KCNQ5: variants seen among roughly 807,000 people sequenced by gnomAD.
KCNQ5 encodes the protein potassium voltage-gated channel subfamily KQT member 5.
KCNQ5 carries 30 observed loss-of-function variants against 98.2 expected under a neutral mutation model. That is an observed-to-expected ratio of 0.31 (90% CI 0.23 to 0.41). The LOEUF (loss-of-function observed/expected upper bound fraction) is 0.41. Among genes scored for constraint, KCNQ5 ranks in the 10% least tolerant of loss-of-function variants. The probability of loss-of-function intolerance (pLI) is 1.00; values close to 1 mark genes in which losing one functional copy is unlikely to be tolerated. For synonymous variants in KCNQ5, 458 were observed against 449.4 expected, an observed-to-expected ratio of 1.02 and a Z score of -0.24; for missense variants, 835 against 1,182.5, an observed-to-expected ratio of 0.71 and a Z score of 4.31.
chr6:73,172,977 T>C (rs555732434), intron 11 of KCNQ5, among the ~76,000 whole-genome samples: 10 of 152,354 alleles, frequency 6.6e-5, no homozygotes, highest in African/African-American at 2.4e-4. Flanking sequence ...TTTAAACATC[T>C]GCCATTTTCT....
At chr6:73,064,223 G>C (rs1056161262) in intron 3 of KCNQ5, among the ~76,000 whole-genome samples, 1 of 152,102 alleles carries the variant, frequency 6.6e-6, no homozygotes, top group Non-Finnish European at 1.5e-5. Context: ...CTGAAAATAA[G>C]TATCAAGTTT....
At chr6:72,829,612 T>G (rs1776146619) in intron 1 of KCNQ5, among the ~76,000 whole-genome samples, 1 of 152,220 alleles carries the variant, frequency 6.6e-6, no homozygotes, top group African/African-American at 2.4e-5. Flanking sequence ...TCATAAGACA[T>G]GTGCCCAAAA....
chr6:72,972,158 A>G (rs748100181), intron 1 of KCNQ5, among the ~76,000 whole-genome samples: 6 of 152,156 alleles, frequency 3.9e-5, no homozygotes, highest in Non-Finnish European at 7.4e-5. Flanking sequence ...CTCAGCCCCT[A>G]CCTCTGCAAA....
intron 1 of KCNQ5, among the ~76,000 whole-genome samples, chr6:72,701,425 G>A (rs72935442): frequency 0.022 from 3,320 of 152,190 alleles, 69 homozygotes; most frequent in South Asian, 0.062. Context: ...TATCGGTTTT[G>A]CAAATAAAAT....
chr6:72,754,750 A>C (rs1033986774), intron 1 of KCNQ5, among the ~76,000 whole-genome samples: 1 of 152,166 alleles, frequency 6.6e-6, no homozygotes, highest in African/African-American at 2.4e-5. Context: ...TTCAATGTAC[A>C]CATGAAAACA....
At chr6:72,771,540 T>G (rs1772880558) in intron 1 of KCNQ5, among the ~76,000 whole-genome samples, 1 of 152,054 alleles carries the variant, frequency 6.6e-6, no homozygotes, top group Non-Finnish European at 1.5e-5. Context: ...CCCTGCTGAT[T>G]AGTGATGTAG....
chr6:73,132,385 T>C (rs543135377), intron 9 of KCNQ5, among the ~76,000 whole-genome samples: 1 of 152,054 alleles, frequency 6.6e-6, no homozygotes, highest in Admixed American at 6.5e-5. Flanking sequence ...ATAATTTCAC[T>C]ATAAAGGAAA....
At chr6:72,887,008 A>T (rs1214973101) in intron 1 of KCNQ5, among the ~76,000 whole-genome samples, 1 of 152,208 alleles carries the variant, frequency 6.6e-6, no homozygotes, top group African/African-American at 2.4e-5. Context: ...TTATGTAATT[A>T]TGAGCAAATA....
chr6:73,049,457 G>A (rs933327042), intron 3 of KCNQ5, among the ~76,000 whole-genome samples: 1 of 152,152 alleles, frequency 6.6e-6, no homozygotes, highest in African/African-American at 2.4e-5. Flanking sequence ...TGAAGTGGGG[G>A]TGCTTTGTCC....
intron 3 of KCNQ5, chr6:73,043,288 T>TA (rs1184334369): frequency 5.2e-6 from 1 of 193,512 alleles, no homozygotes; most frequent in Non-Finnish European, 1.2e-5. Context: ...GCACTGGTGT[T>TA]ACAATAGTGA....
intron 11 of KCNQ5, among the ~76,000 whole-genome samples, chr6:73,175,766 A>T (rs1778188845): frequency 6.6e-6 from 1 of 152,246 alleles, no homozygotes; most frequent in Non-Finnish European, 1.5e-5. Context: ...AGTTGTGAGG[A>T]ACTACCAGAA....
Position 73,039,182 on chromosome 6 carries a change from AT to A in KCNQ5, c.490-2753del, listed in dbSNP as rs200264183. 8.8e-3 allele frequency among the ~76,000 whole-genome samples: 1,341 copies of A among 152,272 alleles called. 9 individuals carry two copies. Among genetic ancestry groups the A allele is most frequent in the East Asian group, 0.047 (244 of 5,184 alleles). On this transcript the variant is annotated intron_variant, in intron 2 of 13. Transcript: ENST00000370398. The stretch of plus-strand genomic sequence containing the variant: ...TCAGTGGCGTAGAATCTATACTGAT[AT>A]CCCCTATTACATTCCTGACATTGGG...
chr6:72,862,923 G>A (rs187628747), intron 1 of KCNQ5, among the ~76,000 whole-genome samples: 5 of 152,144 alleles, frequency 3.3e-5, no homozygotes, highest in Non-Finnish European at 7.4e-5. Context: ...CCACTGCACC[G>A]GGCCACCAAT....
At chr6:73,148,540 T>C (rs910282539) in intron 10 of KCNQ5, among the ~76,000 whole-genome samples, 4 of 152,170 alleles carry the variant, frequency 2.6e-5, no homozygotes, top group African/African-American at 9.7e-5. Flanking sequence ...TAAACATGGG[T>C]CGATAATTAT....
intron 1 of KCNQ5, among the ~76,000 whole-genome samples, chr6:72,828,671 T>C (rs888464871): frequency 1.3e-5 from 2 of 152,100 alleles, no homozygotes; most frequent in Non-Finnish European, 2.9e-5. Flanking sequence ...ACAGAGACAA[T>C]CTGACTTCTT....
intron 1 of KCNQ5, among the ~76,000 whole-genome samples, chr6:72,772,370 A>G (rs1341078162): frequency 6.6e-6 from 1 of 152,146 alleles, no homozygotes; most frequent in Non-Finnish European, 1.5e-5. Flanking sequence ...AAGAATGATA[A>G]TGAACAAGTT....
chr6:72,749,916 A>G (rs1022659383), intron 1 of KCNQ5, among the ~76,000 whole-genome samples: 11 of 152,138 alleles, frequency 7.2e-5, no homozygotes, highest in African/African-American at 2.7e-4. Context: ...GAGTTAAGCT[A>G]TAATTACAAT....
chr6:73,115,280 A>T (rs1225697298), intron 7 of KCNQ5, among the ~76,000 whole-genome samples: 1 of 152,204 alleles, frequency 6.6e-6, no homozygotes, highest in African/African-American at 2.4e-5. Flanking sequence ...AGCAAAAAAG[A>T]TAAGAAACAT....
At chr6:73,108,929 G>A (rs1251327056) in intron 6 of KCNQ5, among the ~76,000 whole-genome samples, 1 of 152,186 alleles carries the variant, frequency 6.6e-6, no homozygotes, top group Non-Finnish European at 1.5e-5. Context: ...ATAATGAAGG[G>A]TAAATTTCTT....
Sources: allele counts gnomAD v4.1 joint callset (sites outside exome capture counted in the v4.1 genomes callset), GRCh38; gene constraint gnomAD v4.1.1; transcripts MANE v1.5; gene names NCBI Gene and HGNC (gene_info 2026-07-23, HGNC 2026-07-21).